LOXL2: variants seen among roughly 807,000 people sequenced by gnomAD.
The protein encoded by LOXL2 is lysyl oxidase like 2.
Under a neutral mutation model 93.0 loss-of-function variants are expected in LOXL2, and 70 were observed. That is an observed-to-expected ratio of 0.75 (90% CI 0.62 to 0.92). The LOEUF is 0.92. Among genes scored for constraint, LOXL2 ranks in the 40% least tolerant of loss-of-function variants. The pLI is 0.00. For missense variants in LOXL2, 973 were observed against 1,054.9 expected, an observed-to-expected ratio of 0.92 and a Z score of 1.08; for synonymous variants, 438 against 413.2, an observed-to-expected ratio of 1.06 and a Z score of -0.73.
intron 1 of LOXL2, chr8:23,402,738 A>ACTCAGTGAC (rs1800168559): frequency 1.3e-5 from 2 of 151,468 alleles, no homozygotes; most frequent in African/African-American, 4.9e-5. Flanking sequence ...ACATTGACTA[A>ACTCAGTGAC]CTCAGTGACC....
At chr8:23,361,346 A>G (rs928404054) in intron 2 of LOXL2, among the ~76,000 whole-genome samples, 1 of 151,808 alleles carries the variant, frequency 6.6e-6, no homozygotes, top group Admixed American at 6.6e-5. Context: ...ACTTCCCAAT[A>G]TTTCCCATCG....
chr8:23,324,713 G>A (rs933626401), intron 6 of LOXL2, among the ~76,000 whole-genome samples: 1 of 152,182 alleles, frequency 6.6e-6, no homozygotes, highest in African/African-American at 2.4e-5. Context: ...CAGAATTAGG[G>A]CACAGTGGAA....
At chr8:23,312,312 A>G (rs10109314) in intron 9 of LOXL2, among the ~76,000 whole-genome samples, 4,903 of 146,052 alleles carry the variant, frequency 0.034, 295 homozygotes, top group African/African-American at 0.12. Flanking sequence ...GGCCAGCATC[A>G]TCCTGATACC....
chr8:23,319,381 G>A (rs1273404237), intron 8 of LOXL2, among the ~76,000 whole-genome samples: 1 of 152,188 alleles, frequency 6.6e-6, no homozygotes, highest in Non-Finnish European at 1.5e-5. Flanking sequence ...ATGTGACAAG[G>A]CTTGGAGATT....
rs757571903 is a variant in LOXL2 at position 23,309,851 on chromosome 8, C to T, written c.1697G>A (p.Arg566Gln). The T allele has an allele frequency of 7.6e-6, 12 of 1,588,458 alleles. No homozygotes were observed. The highest frequency in any genetic ancestry group is 2.7e-5 in the African/African-American group (2 of 73,940). Residue 566 changes from arginine (R) to glutamine (Q), a missense_variant, in exon 10 of 14, where the codon CGG becomes CAG. Transcript: ENST00000389131. The stretch of plus-strand genomic sequence containing the variant: ...GGCACACTGCAGCATGAACATGGGC[C>T]GGTCCTCCAGGTAGGTGGTCTGCTG... ...MVQQTTYLEDRPMFMLQCAME... is the reference protein window; with the variant it reads ...MVQQTTYLEDQPMFMLQCAME...
chr8:23,355,511 A>ATTT (rs1804180813), intron 3 of LOXL2, among the ~76,000 whole-genome samples: 1 of 81,060 alleles, frequency 1.2e-5, no homozygotes, highest in African/African-American at 5.2e-5. Context: ...GTTGACATTC[A>ATTT]CTTTTTTTTT....
At chr8:23,299,151 G>C (rs1803086003) in intron 12 of LOXL2, among the ~76,000 whole-genome samples, 1 of 152,174 alleles carries the variant, frequency 6.6e-6, no homozygotes, top group African/African-American at 2.4e-5. Flanking sequence ...CCTGGAAGAG[G>C]GAAACCCTGC....
At chr8:23,354,588 CTG>C (rs35274565) in intron 3 of LOXL2, among the ~76,000 whole-genome samples, 48,084 of 150,556 alleles carry the variant, frequency 0.32, 7,846 homozygotes, top group African/African-American at 0.42. Flanking sequence ...CATCCCTTCT[CTG>C]TGTGTGTGTG....
At chr8:23,353,577 T>C (rs1429372707) in intron 3 of LOXL2, among the ~76,000 whole-genome samples, 2 of 151,986 alleles carry the variant, frequency 1.3e-5, no homozygotes, top group Non-Finnish European at 2.9e-5. Flanking sequence ...GAATATACAA[T>C]AAGATATGAT....
intron 1 of LOXL2, among the ~76,000 whole-genome samples, chr8:23,398,353 G>A (rs1040684719): frequency 2.0e-5 from 3 of 152,192 alleles, no homozygotes; most frequent in Non-Finnish European, 4.4e-5. Context: ...AGGGCCAGCT[G>A]TGTCTGCTTG....
intron 6 of LOXL2, among the ~76,000 whole-genome samples, chr8:23,326,489 C>A (rs947556258): frequency 6.6e-6 from 1 of 152,100 alleles, no homozygotes; most frequent in African/African-American, 2.4e-5. Context: ...TGCAGTGGCT[C>A]GTGTCTATAA....
chr8:23,332,719 T>TAC (rs371399053), intron 5 of LOXL2, among the ~76,000 whole-genome samples: 30 of 59,354 alleles, frequency 5.1e-4, no homozygotes, highest in African/African-American at 2.2e-3. Context: ...CATGCACTCA[T>TAC]ACACACACAC....
rs1804685296 is a variant in LOXL2, at chr8:23,381,874, G to A, written c.-83-13440C>T. On this transcript the variant is annotated intron_variant, in intron 1 of 13. Coordinates refer to ENST00000389131, the MANE Select transcript of LOXL2 (RefSeq NM_002318.3). Reference sequence around the variant, plus strand: ...CGTAACTGGGTGTTATAGGTGAATGGGCACCTGACTGGGCCCCCAAGCCTA... The same window carrying A: ...CGTAACTGGGTGTTATAGGTGAATGAGCACCTGACTGGGCCCCCAAGCCTA... Among the ~76,000 whole-genome samples, 3 of 152,232 alleles carry A rather than the reference G, an allele frequency of 2.0e-5. No homozygotes were observed. The South Asian group carries it at 6.2e-4, about 31-fold the overall frequency.
chr8:23,395,043 C>G (rs866935170), intron 1 of LOXL2, among the ~76,000 whole-genome samples: 1 of 152,146 alleles, frequency 6.6e-6, no homozygotes, highest in African/African-American at 2.4e-5. Context: ...ATCACGAGGT[C>G]AAGAGATCGA....
intron 5 of LOXL2, among the ~76,000 whole-genome samples, chr8:23,332,843 C>T (rs181173221): frequency 6.2e-5 from 8 of 129,432 alleles, no homozygotes; most frequent in Admixed American, 2.4e-4. Flanking sequence ...CACTCACCCC[C>T]GCACACATAC....
intron 8 of LOXL2, among the ~76,000 whole-genome samples, chr8:23,319,011 CAAG>C (rs1803451253): frequency 6.6e-6 from 1 of 152,210 alleles, no homozygotes; most frequent in Non-Finnish European, 1.5e-5. Context: ...TCTTAGGCCC[CAAG>C]AAGGACCACT....
intron 1 of LOXL2, among the ~76,000 whole-genome samples, chr8:23,371,951 T>C (rs1173649182): frequency 2.6e-5 from 4 of 151,720 alleles, no homozygotes; most frequent in Non-Finnish European, 5.9e-5. Flanking sequence ...GTAAGAACCA[T>C]ATACTGAAAG....
intron 1 of LOXL2, among the ~76,000 whole-genome samples, chr8:23,373,691 T>C (rs191584620): frequency 6.6e-5 from 10 of 152,262 alleles, no homozygotes; most frequent in African/African-American, 2.2e-4. Context: ...GCACTGTTAT[T>C]ATCCTTGGGA....
chr8:23,394,650 T>G (rs976549955), intron 1 of LOXL2, among the ~76,000 whole-genome samples: 19 of 152,122 alleles, frequency 1.2e-4, no homozygotes, highest in African/African-American at 4.6e-4. Flanking sequence ...ACGTTGCTAG[T>G]GGAAATGTAA....
Sources: gnomAD v4.1 joint callset for allele counts (sites outside exome capture counted in the v4.1 genomes callset) on GRCh38, gnomAD v4.1.1 for gene constraint, MANE v1.5 for transcripts, NCBI Gene and HGNC (gene_info 2026-07-23, HGNC 2026-07-21) for gene names.